Variants in SNX30 observed in about 807,000 individuals in gnomAD.
The protein encoded by SNX30 is sorting nexin family member 30, also known as sorting nexin-30.
Under a neutral mutation model 46.4 loss-of-function variants are expected in SNX30, and 24 were observed. The observed-to-expected ratio is 0.52, with a 90% CI of 0.37 to 0.73. The LOEUF (loss-of-function observed/expected upper bound fraction) is 0.73, where lower values mean the gene tolerates loss of function less well. SNX30 is among the 30% of genes least tolerant of loss of function. The probability of loss-of-function intolerance (pLI) is 0.00; values close to 1 mark genes in which losing one functional copy is unlikely to be tolerated. For synonymous variants in SNX30, 189 were observed against 211.5 expected (o/e 0.89, Z 0.92); for missense variants, 533 against 555.7 (o/e 0.96, Z 0.41).
At chr9:112,814,402 G>A (rs771021374) in intron 2 of SNX30, among the ~76,000 whole-genome samples, 11 of 151,940 alleles carry the variant, frequency 7.2e-5, no homozygotes, top group Admixed American at 2.0e-4. Context: ...CACCATGCCC[G>A]GCTAATTTTT....
downstream of SNX30, chr9:112,877,748 C>G (rs780009972): frequency 2.0e-5 from 3 of 151,918 alleles, no homozygotes; most frequent in Non-Finnish European, 2.9e-5. Context: ...AAGAGGCAAT[C>G]TTGCTCTCTC....
intron 2 of SNX30, among the ~76,000 whole-genome samples, chr9:112,813,259 T>C (rs974555121): frequency 2.0e-5 from 3 of 152,082 alleles, no homozygotes; most frequent in African/African-American, 7.2e-5. Flanking sequence ...GGTCAGGAGT[T>C]AGAGACCAGC....
At chr9:112,763,923 A>G (rs2796029) in intron 1 of SNX30, among the ~76,000 whole-genome samples, 87,792 of 151,706 alleles carry the variant, frequency 0.58, 25,649 homozygotes, top group South Asian at 0.73. Flanking sequence ...TAGATTGTGT[A>G]GTGAAATCCA....
intron 1 of SNX30, among the ~76,000 whole-genome samples, chr9:112,757,733 C>T (rs1321344110): frequency 6.6e-6 from 1 of 152,154 alleles, no homozygotes; most frequent in African/African-American, 2.4e-5. Context: ...GTTCTGTGAC[C>T]TCTTGGATTC....
chr9:112,763,580 G>A (rs928313304), intron 1 of SNX30, among the ~76,000 whole-genome samples: 8 of 151,748 alleles, frequency 5.3e-5, no homozygotes, highest in Non-Finnish European at 1.2e-4. Flanking sequence ...GCCGGGCGCC[G>A]TGGCTCATGC....
At chr9:112,774,979 G>T (rs1270143820) in intron 1 of SNX30, among the ~76,000 whole-genome samples, 2 of 151,148 alleles carry the variant, frequency 1.3e-5, no homozygotes, top group Non-Finnish European at 2.9e-5. Flanking sequence ...CCAGTAGCTG[G>T]AATTACAGAC....
At chr9:112,833,518 G>A (rs1199770507) in intron 4 of SNX30, among the ~76,000 whole-genome samples, 3 of 152,186 alleles carry the variant, frequency 2.0e-5, no homozygotes, top group Non-Finnish European at 4.4e-5. Context: ...AGCAGCAGCA[G>A]CAGCCAGTAG....
intron 1 of SNX30, among the ~76,000 whole-genome samples, chr9:112,751,909 AGGCAGG>A (rs1839284716): frequency 6.6e-6 from 1 of 152,178 alleles, no homozygotes; most frequent in Admixed American, 6.5e-5. Context: ...AGCAGAGTCC[AGGCAGG>A]GGTAAGGGAC....
At position 112,873,648 on chromosome 9, in the gene SNX30, T is replaced by C. The variant is rs1184344577; in HGVS notation, c.*4805T>C. The C allele has an allele frequency of 9.2e-5, 14 of 152,194 alleles. No individual in the cohort carries two copies. Among genetic ancestry groups the C allele is most frequent in the Admixed American group, 7.9e-4 (12 of 15,280 alleles). The allele number at this position is 152,194 out of a possible 1,614,324, so 9.4% of individuals were successfully genotyped here. A position where few individuals can be genotyped will look rare whatever the true frequency, so the allele number is the denominator to read the frequency against. The stretch of plus-strand genomic sequence containing the variant: ...AGGGACCACAAAACCTTTTTTTTTT[T>C]TTTAAGTGTGAAAGATTAGTGCCTT... On this transcript the variant is annotated 3_prime_UTR_variant, in exon 9 of 9. Transcript: ENST00000374232.
chr9:112,842,467 G>A (rs1170196398), intron 6 of SNX30, among the ~76,000 whole-genome samples: 3 of 152,240 alleles, frequency 2.0e-5, no homozygotes, highest in Non-Finnish European at 2.9e-5. Context: ...ATGGGAAAAT[G>A]CCAGGGAAAA....
chr9:112,879,577 G>A, downstream of SNX30: 1 of 556,040 alleles, frequency 1.8e-6, no homozygotes, highest in Non-Finnish European at 3.3e-6. Flanking sequence ...CCATCACCAG[G>A]AAAGTGCTTT....
Position 112,864,275 on chromosome 9 carries a change from A to G in SNX30, c.1130A>G (p.Asp377Gly). 6.2e-7 allele frequency: 1 copy of G among 1,614,030 alleles called. No homozygotes were observed. Among genetic ancestry groups the G allele is most frequent in the Non-Finnish European group, 8.5e-7 (1 of 1,179,990 alleles). ...KVPADVEKCQ[D>G]RMECFNADLK... ...CCGGCGGACGTCGAGAAATGTCAGGATCGGATGGAGTGTTTCAATGCTGAC... is the reference window on the plus strand; with the variant it reads ...CCGGCGGACGTCGAGAAATGTCAGGGTCGGATGGAGTGTTTCAATGCTGAC... The change falls in exon 8 of 9, where the codon GAT becomes GGT. Residue 377 changes from aspartate to glycine, a missense_variant. By Grantham distance (94) the Asp-to-Gly change is moderately conservative. Around this residue, in one of 3 missense-constraint regions of SNX30, gnomAD observed 261 missense variants for 270.9 expected, o/e 0.96. Coordinates refer to ENST00000374232, the MANE Select transcript of SNX30 (RefSeq NM_001012994.2).
intron 2 of SNX30, among the ~76,000 whole-genome samples, chr9:112,817,300 G>C (rs1377130012): frequency 7.4e-6 from 1 of 134,588 alleles, no homozygotes; most frequent in African/African-American, 2.9e-5. Context: ...AAAAGAAATT[G>C]TTAGAGTTAA....
At chr9:112,780,975 C>A (rs930663637) in intron 1 of SNX30, among the ~76,000 whole-genome samples, 5 of 152,182 alleles carry the variant, frequency 3.3e-5, no homozygotes, top group African/African-American at 1.2e-4. Context: ...TGATTCAGCC[C>A]GTCACAGAGT....
rs1018453185 is a variant in SNX30, at chr9:112,869,994, C to G, written c.*1151C>G. 6.6e-6 allele frequency: 1 copy of G among 152,126 alleles called. No individual in the cohort carries two copies. Among genetic ancestry groups the G allele is most frequent in the Non-Finnish European group, 1.5e-5 (1 of 68,026 alleles). The allele number at this position is 152,126 out of a possible 1,614,324, so 9.4% of individuals were successfully genotyped here. A position where few individuals can be genotyped will look rare whatever the true frequency, so the allele number is the denominator to read the frequency against. On this transcript the variant is annotated 3_prime_UTR_variant, in exon 9 of 9. Transcript: ENST00000374232. The stretch of plus-strand genomic sequence containing the variant: ...GGAAAATCAGTACCTGGACGGGCCT[C>G]GAAAATGACAAATGCAACAGCGAGC...
intron 2 of SNX30, among the ~76,000 whole-genome samples, chr9:112,807,064 T>G (rs1419305921): frequency 8.8e-6 from 1 of 114,050 alleles, no homozygotes; most frequent in Non-Finnish European, 1.7e-5. Context: ...TTTTTTTTTT[T>G]TTTTTTTTTT....
At chr9:112,779,790 C>A (rs1031228762) in intron 1 of SNX30, among the ~76,000 whole-genome samples, 1 of 152,144 alleles carries the variant, frequency 6.6e-6, no homozygotes, top group Non-Finnish European at 1.5e-5. Context: ...CCATGCAGGG[C>A]GCACTTGGCT....
intron 1 of SNX30, among the ~76,000 whole-genome samples, chr9:112,761,051 C>G (rs141147876): frequency 6.6e-6 from 1 of 152,100 alleles, no homozygotes; most frequent in Admixed American, 6.5e-5. Flanking sequence ...TAGTGAGAGA[C>G]GAGGTGGGTA....
At chr9:112,759,969 T>G (rs1839410956) in intron 1 of SNX30, among the ~76,000 whole-genome samples, 1 of 152,166 alleles carries the variant, frequency 6.6e-6, no homozygotes, top group South Asian at 2.1e-4. Context: ...GTGTTGGTGG[T>G]TGTTATTCCT....
Sources: allele counts gnomAD v4.1 joint callset (sites outside exome capture counted in the v4.1 genomes callset), GRCh38; gene constraint gnomAD v4.1.1; regional missense constraint gnomAD v4.1.1; transcripts MANE v1.5; gene names NCBI Gene and HGNC (gene_info 2026-07-23, HGNC 2026-07-21).